NEDD9: variants seen among roughly 807,000 people sequenced by gnomAD.
NEDD9 encodes the protein neural precursor cell expressed, developmentally down-regulated 9, also known as enhancer of filamentation 1.
NEDD9 carries 26 observed loss-of-function variants against 76.6 expected under a neutral mutation model. The ratio of observed to expected loss-of-function variants is 0.34; its 90% CI spans 0.25 to 0.47. NEDD9 has a LOEUF of 0.47. Among genes scored for constraint, NEDD9 ranks in the 20% least tolerant of loss-of-function variants. The pLI, the probability that NEDD9 is intolerant of heterozygous loss-of-function variation, is 1.00. For synonymous variants in NEDD9, 392 were observed against 414.2 expected (o/e 0.95, Z 0.65); for missense variants, 937 against 1,058.5 (o/e 0.89, Z 1.59).
At chr6:11,208,957 T>G (rs1758692849) in intron 2 of NEDD9, among the ~76,000 whole-genome samples, 1 of 152,236 alleles carries the variant, frequency 6.6e-6, no homozygotes, top group African/African-American at 2.4e-5. Flanking sequence ...CTTTTTTTCT[T>G]CCTTTATAAT....
chr6:11,200,823 C>A (rs896591035), intron 2 of NEDD9: 7 of 1,488,946 alleles, frequency 4.7e-6, no homozygotes, highest in African/African-American at 2.8e-5. Flanking sequence ...CGGTTATCAC[C>A]AGAGCAGCTC....
chr6:11,214,080 G>GA (rs540284047), intron 1 of NEDD9: 247 of 418,010 alleles, frequency 5.9e-4, no homozygotes, highest in South Asian at 7.5e-4. Flanking sequence ...TGAGCTTAAG[G>GA]AAAAAAAAAT....
rs1757913122 is a variant in NEDD9 at position 11,183,920 on chromosome 6, G to A, written c.*1242C>T. 1 of 152,218 alleles carries A rather than the reference G, an allele frequency of 6.6e-6. No homozygotes were observed. Among genetic ancestry groups the A allele is most frequent in the African/African-American group, 2.4e-5 (1 of 41,458 alleles). 9.4% of individuals were successfully genotyped at this position (152,218 alleles called of 1,614,324 possible). A position where few individuals can be genotyped will look rare whatever the true frequency, so the allele number is the denominator to read the frequency against. ...CCCATGAAGAACCTGATGGCTTGTG[G>A]TGTCTGTGCTGTGTCAATACTAACA... On this transcript the variant is annotated 3_prime_UTR_variant, in exon 7 of 7. Coordinates refer to ENST00000379446, the MANE Select transcript of NEDD9 (RefSeq NM_006403.4).
intron 1 of NEDD9, among the ~76,000 whole-genome samples, chr6:11,335,060 G>C (rs1355320564): frequency 6.6e-6 from 1 of 152,184 alleles, no homozygotes; most frequent in Non-Finnish European, 1.5e-5. Context: ...CTGTTCTTTG[G>C]CATTTGAAGC....
intron 1 of NEDD9, among the ~76,000 whole-genome samples, chr6:11,350,262 T>C (rs1287687452): frequency 1.3e-5 from 2 of 152,190 alleles, no homozygotes; most frequent in Non-Finnish European, 2.9e-5. Flanking sequence ...AGAGGCAACA[T>C]CTTATGGGAA....
At chr6:11,330,639 G>T (rs536921450) in intron 2 of NEDD9, among the ~76,000 whole-genome samples, 1 of 152,184 alleles carries the variant, frequency 6.6e-6, no homozygotes, top group Non-Finnish European at 1.5e-5. Flanking sequence ...GACAAGGTCC[G>T]TGACAAAGGG....
chr6:11,200,908 GAA>G, intron 2 of NEDD9: 1 of 1,610,876 alleles, frequency 6.2e-7, no homozygotes, highest in South Asian at 1.1e-5. Context: ...TTATCCAAGA[GAA>G]AGACGGCAAG....
At chr6:11,229,472 C>G (rs1759404501) in intron 1 of NEDD9, among the ~76,000 whole-genome samples, 1 of 152,002 alleles carries the variant, frequency 6.6e-6, no homozygotes, top group Non-Finnish European at 1.5e-5. Context: ...CGCAGAGACC[C>G]TTCCATCACC....
At chr6:11,264,873 C>CT (rs1760176284) in intron 3 of NEDD9, among the ~76,000 whole-genome samples, 1 of 128,752 alleles carries the variant, frequency 7.8e-6, no homozygotes, top group African/African-American at 3.2e-5. Context: ...TTGTTTGTTT[C>CT]TTTTTTAAGA....
rs970633924 is a variant in NEDD9 at position 11,213,082 on chromosome 6, C to T, written c.459+199G>A. 6.6e-6 allele frequency among the ~76,000 whole-genome samples: 1 copy of T among 152,208 alleles called. No homozygotes were observed. The highest frequency in any genetic ancestry group is 1.5e-5 in the Non-Finnish European group (1 of 68,038). On this transcript the variant is annotated intron_variant, in intron 2 of 6. Coordinates refer to ENST00000379446, the MANE Select transcript of NEDD9 (RefSeq NM_006403.4). The surrounding 1 kb of genome is among the most constrained non-coding windows in gnomAD (Gnocchi z 5.4). Reference sequence around the variant, plus strand: ...AGGGCTGGAAATCAACTGTACTCAGCACATGGTAGTTCAAAGAAGTTTTGC... The same window carrying T: ...AGGGCTGGAAATCAACTGTACTCAGTACATGGTAGTTCAAAGAAGTTTTGC...
intron 2 of NEDD9, among the ~76,000 whole-genome samples, chr6:11,321,628 A>G (rs1159611316): frequency 6.6e-6 from 1 of 152,220 alleles, no homozygotes; most frequent in Admixed American, 6.5e-5. Flanking sequence ...GCTGAATTCT[A>G]CTGGGAACTG....
Position 11,184,973 on chromosome 6 carries a change from G to A in NEDD9, c.*189C>T. ...TCTATGTATACATAAGAACCACTCAGGGGGAAAAAAAAAGATTTCCCTCTC... is the reference window on the plus strand; with the variant it reads ...TCTATGTATACATAAGAACCACTCAAGGGGAAAAAAAAAGATTTCCCTCTC... On this transcript the variant is annotated 3_prime_UTR_variant, in exon 7 of 7. Coordinates refer to ENST00000379446, the MANE Select transcript of NEDD9 (RefSeq NM_006403.4). 2.8e-6 allele frequency: 2 copies of A among 705,724 alleles called. No homozygotes were observed. The highest frequency in any genetic ancestry group is 2.3e-5 in the South Asian group (1 of 42,790). 43.7% of individuals were successfully genotyped at this position (705,724 alleles called of 1,614,324 possible). A position where few individuals can be genotyped will look rare whatever the true frequency, so the allele number is the denominator to read the frequency against.
chr6:11,339,499 A>C (rs926771217), intron 1 of NEDD9, among the ~76,000 whole-genome samples: 2 of 152,106 alleles, frequency 1.3e-5, no homozygotes, highest in Admixed American at 6.5e-5. Context: ...TACTTTTCTC[A>C]TGTTTTATAC....
chr6:11,273,683 G>A (rs1179943431), intron 3 of NEDD9, among the ~76,000 whole-genome samples: 1 of 152,112 alleles, frequency 6.6e-6, no homozygotes, highest in East Asian at 1.9e-4. Context: ...AATTACCCTG[G>A]GCATTGTTCA....
chr6:11,336,445 A>T (rs1038572877), intron 1 of NEDD9, among the ~76,000 whole-genome samples: 1 of 152,236 alleles, frequency 6.6e-6, no homozygotes, highest in Non-Finnish European at 1.5e-5. Context: ...TGGCAACACA[A>T]TGGTAAGTAT....
chr6:11,236,808 C>A (rs757685964), upstream of NEDD9, among the ~76,000 whole-genome samples: 1 of 152,200 alleles, frequency 6.6e-6, no homozygotes, highest in Admixed American at 6.5e-5. The surrounding 1 kb of genome is among the most constrained non-coding windows in gnomAD (Gnocchi z 5.5). Context: ...ACATTACTAC[C>A]GTGTTTAAAA....
rs112742585 is a variant in NEDD9, at chr6:11,188,225, T to C, written c.1988A>G (p.His663Arg). 188 of 1,613,952 alleles carry C rather than the reference T, an allele frequency of 1.2e-4. No homozygotes were observed. In the Middle Eastern group the frequency reaches 1.3e-3, roughly 11 times the overall value. ...TGCTCTGATTGAACTTACCTGATGA[T>C]GTTCCAGCTGCATCTTGTTCTGTTT... The part of the protein sequence containing the change: ...IMKQNKMQLE[H>R]HQLSQFQLLE... Residue 663 changes from histidine (H) to arginine (R), a missense_variant, in exon 6 of 7, where the codon CAT becomes CGT. His to Arg is a conservative substitution (Grantham distance 29). Transcript: ENST00000379446.
upstream of NEDD9, among the ~76,000 whole-genome samples, chr6:11,236,904 C>T (rs1031629729): frequency 6.6e-6 from 1 of 152,116 alleles, no homozygotes; most frequent in Non-Finnish European, 1.5e-5. This position sits in a 1 kb window ranked among gnomAD's most constrained non-coding sequence, Gnocchi z 5.5. Context: ...TTTCTTTCTC[C>T]CTCTACCGCC....
intron 3 of NEDD9, among the ~76,000 whole-genome samples, chr6:11,261,127 A>G (rs60245077): frequency 0.061 from 9,253 of 152,156 alleles, 947 homozygotes; most frequent in African/African-American, 0.21. Flanking sequence ...ATTTGAGAGG[A>G]CTGAGCATCC....
Sources: allele counts gnomAD v4.1 joint callset (sites outside exome capture counted in the v4.1 genomes callset), GRCh38; gene constraint gnomAD v4.1.1; non-coding constraint Gnocchi (gnomAD v3.1); transcripts MANE v1.5; gene names NCBI Gene and HGNC (gene_info 2026-07-23, HGNC 2026-07-21).